The following GALNT7 variants were observed in gnomAD, a reference collection of about 807,000 sequenced individuals.
GALNT7 encodes N-acetylgalactosaminyltransferase 7.
A neutral mutation model predicts 82.1 loss-of-function variants in GALNT7; 60 were observed. The observed-to-expected ratio is 0.73, with a 90% CI of 0.59 to 0.91. The LOEUF is 0.91. GALNT7 is among the 40% of genes least tolerant of loss of function. GALNT7 has a pLI of 0.00. For synonymous variants in GALNT7, 243 were observed against 275.1 expected (o/e 0.88, Z 1.15); for missense variants, 660 against 804.2 (o/e 0.82, Z 2.17).
At chr4:173,294,694 A>T (rs1301611519) in intron 3 of GALNT7, among the ~76,000 whole-genome samples, 1 of 152,200 alleles carries the variant, frequency 6.6e-6, no homozygotes, top group East Asian at 1.9e-4. Flanking sequence ...TTGTAATGGG[A>T]AGCCAAAGAT....
chr4:173,271,585 T>G (rs886273517), intron 2 of GALNT7, among the ~76,000 whole-genome samples: 3 of 151,934 alleles, frequency 2.0e-5, no homozygotes, highest in African/African-American at 4.8e-5. Context: ...GACTCCCGAG[T>G]AGGTGGGATT....
At chr4:173,210,007 C>T (rs72711043) in intron 1 of GALNT7, among the ~76,000 whole-genome samples, 4,155 of 152,182 alleles carry the variant, frequency 0.027, 76 homozygotes, top group Non-Finnish European at 0.038. Context: ...GAGGTGCGTG[C>T]CTATACTCCC....
intron 1 of GALNT7, among the ~76,000 whole-genome samples, chr4:173,220,507 AATT>A (rs1047873998): frequency 1.3e-5 from 2 of 151,832 alleles, no homozygotes; most frequent in Non-Finnish European, 2.9e-5. Flanking sequence ...TTTTTAAAAA[AATT>A]ATTATTATAC....
chr4:173,188,465 T>C (rs1285815736), intron 1 of GALNT7, among the ~76,000 whole-genome samples: 1 of 152,228 alleles, frequency 6.6e-6, no homozygotes, highest in African/African-American at 2.4e-5. Context: ...ACGGCATACA[T>C]TGGTACGTTA....
chr4:173,181,556 C>T lies in GALNT7; in HGVS notation c.126+12595C>T, dbSNP rs556433882. Among the ~76,000 whole-genome samples the T allele has an allele frequency of 2.2e-4, 34 of 152,274 alleles. No homozygotes were observed. The East Asian group carries it at 6.2e-3, about 28-fold the overall frequency. On this transcript the variant is annotated intron_variant, in intron 1 of 11. Transcript: ENST00000265000. Reference sequence around the variant, plus strand: ...ATGAAATTAAGATAACTCTATTCCTCTTCTTATAGCTAACATTTAGACTCT... The same window carrying T: ...ATGAAATTAAGATAACTCTATTCCTTTTCTTATAGCTAACATTTAGACTCT...
intron 2 of GALNT7, among the ~76,000 whole-genome samples, chr4:173,288,076 G>T (rs575797840): frequency 2.6e-5 from 4 of 151,858 alleles, no homozygotes; most frequent in African/African-American, 4.8e-5. Flanking sequence ...GAGGTCAGGA[G>T]ATCGAGACCA....
At position 173,180,547 on chromosome 4, in the gene GALNT7, C is replaced by T. The variant is rs188011170; in HGVS notation, c.126+11586C>T. ...TTCACCATGTTGGCCAGACTGGTCT[C>T]GAACTTCTGACCTCAGGTGATCCGC... On this transcript the variant is annotated intron_variant, in intron 1 of 11. Coordinates refer to ENST00000265000, the MANE Select transcript of GALNT7 (RefSeq NM_017423.3). Among the ~76,000 whole-genome samples, 217 of 152,202 alleles carry T rather than the reference C, an allele frequency of 1.4e-3. 2 individuals are homozygous for T. Among genetic ancestry groups the T allele is most frequent in the African/African-American group, 4.8e-3 (198 of 41,534 alleles).
chr4:173,231,413 A>G (rs994438953), intron 1 of GALNT7, among the ~76,000 whole-genome samples: 4 of 152,200 alleles, frequency 2.6e-5, no homozygotes, highest in African/African-American at 7.2e-5. Flanking sequence ...AGAAGTCATT[A>G]TCAAGCAGTC....
At chr4:173,228,585 G>C (rs1465701711) in intron 1 of GALNT7, among the ~76,000 whole-genome samples, 1 of 151,996 alleles carries the variant, frequency 6.6e-6, no homozygotes, top group Non-Finnish European at 1.5e-5. Flanking sequence ...TCTGTAATTA[G>C]AATTGTGTCC....
chr4:173,307,382 A>T (rs977863365), intron 8 of GALNT7, among the ~76,000 whole-genome samples: 2 of 152,206 alleles, frequency 1.3e-5, no homozygotes, highest in African/African-American at 4.8e-5. Context: ...GAGGTACCAG[A>T]TGTTTGTGAG....
chr4:173,182,283 CT>C (rs1732271320), intron 1 of GALNT7, among the ~76,000 whole-genome samples: 1 of 152,084 alleles, frequency 6.6e-6, no homozygotes, highest in South Asian at 2.1e-4. Context: ...GGAATAGATG[CT>C]TTTTTAAATA....
At chr4:173,282,899 C>T (rs571322393) in intron 2 of GALNT7, among the ~76,000 whole-genome samples, 1 of 152,172 alleles carries the variant, frequency 6.6e-6, no homozygotes, top group South Asian at 2.1e-4. Flanking sequence ...TTGACCTTCC[C>T]CAAAAAGGAA....
chr4:173,288,156 G>A (rs1412975741), intron 2 of GALNT7, among the ~76,000 whole-genome samples: 2 of 150,646 alleles, frequency 1.3e-5, no homozygotes, highest in Non-Finnish European at 2.9e-5. Context: ...GGTAGCGGGC[G>A]CCTGTAGTCC....
chr4:173,305,872 A>G (rs183562100), intron 8 of GALNT7, among the ~76,000 whole-genome samples: 2 of 152,130 alleles, frequency 1.3e-5, no homozygotes, highest in Non-Finnish European at 2.9e-5. Context: ...TGCTTTAGCT[A>G]TTCAGGGTTT....
At chr4:173,318,633 T>C (rs1056487320) in intron 11 of GALNT7, 74 bp downstream of exon 11, 7 of 956,726 alleles carry the variant, frequency 7.3e-6, no homozygotes, top group Admixed American at 4.7e-5. Flanking sequence ...GGAATTTAGA[T>C]AAATAAATCT....
At chr4:173,184,000 G>C (rs1352733487) in intron 1 of GALNT7, among the ~76,000 whole-genome samples, 1 of 151,736 alleles carries the variant, frequency 6.6e-6, no homozygotes, top group African/African-American at 2.4e-5. Context: ...CATCTCAGAC[G>C]GGTCGGTGGG....
Position 173,227,824 on chromosome 4 carries a change from G to A in GALNT7, c.127-20156G>A, listed in dbSNP as rs377050002. Among the ~76,000 whole-genome samples, 44 of 152,150 alleles carry A rather than the reference G, an allele frequency of 2.9e-4. 1 individual carries two copies. In the East Asian group the frequency reaches 5.0e-3, roughly 17 times the overall value. ...TTTTTTGCACCTTTTAAAAAAAATC[G>A]CTTAAGCTAGGGTTTTTGTTTCTGT... On this transcript the variant is annotated intron_variant, in intron 1 of 11. Coordinates refer to ENST00000265000, the MANE Select transcript of GALNT7 (RefSeq NM_017423.3).
intron 1 of GALNT7, among the ~76,000 whole-genome samples, chr4:173,225,639 T>C (rs1390995942): frequency 2.0e-5 from 3 of 152,336 alleles, no homozygotes; most frequent in Middle Eastern, 3.4e-3. Flanking sequence ...TATTCCAATT[T>C]TGTAAATGAG....
Position 173,208,460 on chromosome 4 carries a change from A to G in GALNT7, c.126+39499A>G, listed in dbSNP as rs533222800. Among the ~76,000 whole-genome samples, 8 of 152,294 alleles carry G rather than the reference A, an allele frequency of 5.3e-5. No individual in the cohort carries two copies. In the East Asian group the frequency reaches 1.5e-3, roughly 29 times the overall value. Reference sequence around the variant, plus strand: ...ACCTAATTCTATTTTGTACTCCATTATCATTCAGCGGCATCTCTTGACTGT... The same window carrying G: ...ACCTAATTCTATTTTGTACTCCATTGTCATTCAGCGGCATCTCTTGACTGT... On this transcript the variant is annotated intron_variant, in intron 1 of 11. Coordinates refer to ENST00000265000, the MANE Select transcript of GALNT7 (RefSeq NM_017423.3).
Sources: allele counts gnomAD v4.1 joint callset (sites outside exome capture counted in the v4.1 genomes callset), GRCh38; gene constraint gnomAD v4.1.1; transcripts MANE v1.5; gene names NCBI Gene and HGNC (gene_info 2026-07-23, HGNC 2026-07-21).